PRAG1: variants seen among roughly 807,000 people sequenced by gnomAD.
PRAG1 encodes inactive tyrosine-protein kinase PRAG1.
PRAG1 carries 110 observed loss-of-function variants against 95.6 expected under a neutral mutation model. That is an observed-to-expected ratio of 1.15 (90% confidence interval 0.99 to 1.35). The LOEUF (loss-of-function observed/expected upper bound fraction) is 1.35, where lower values mean the gene tolerates loss of function less well. Ranked by LOEUF, PRAG1 falls within the 40% of genes most tolerant of loss-of-function variation. The probability of loss-of-function intolerance (pLI) is 0.00; values close to 1 mark genes in which losing one functional copy is unlikely to be tolerated. For missense variants in PRAG1, 2,554 were observed against 1,864.7 expected, an observed-to-expected ratio of 1.37 and a Z score of -6.81; for synonymous variants, 1,052 against 819.4, an observed-to-expected ratio of 1.28 and a Z score of -4.85.
chr8:8,385,659 G>C (rs1039562074), intron 1 of PRAG1, among the ~76,000 whole-genome samples: 1 of 152,214 alleles, frequency 6.6e-6, no homozygotes, highest in African/African-American at 2.4e-5. Flanking sequence ...GCTTACCTGA[G>C]AGAAACGCAC....
At chr8:8,351,943 G>C (rs1799535143) in intron 3 of PRAG1, among the ~76,000 whole-genome samples, 1 of 152,008 alleles carries the variant, frequency 6.6e-6, no homozygotes, top group East Asian at 1.9e-4. Flanking sequence ...TGCAGTTCTG[G>C]GCTTGATCGA....
intron 5 of PRAG1, among the ~76,000 whole-genome samples, chr8:8,322,786 C>G (rs951896282): frequency 2.6e-5 from 4 of 152,186 alleles, no homozygotes; most frequent in African/African-American, 7.2e-5. Context: ...CAACCAAGTG[C>G]CAATCAGAAA....
In PRAG1 at chr8:8,328,407, G is replaced by T. The variant is rs1453012086; in HGVS notation, c.2375C>A (p.Ala792Asp). 4 of 1,613,678 alleles carry T rather than the reference G, an allele frequency of 2.5e-6. No homozygotes were observed. Among genetic ancestry groups the T allele is most frequent in the Non-Finnish European group, 1.7e-6 (2 of 1,180,022 alleles). Reference protein sequence around the residue: ...SPTNSGKKLFAPVPFPSGSTE... With the variant: ...SPTNSGKKLFDPVPFPSGSTE... Reference sequence around the variant, plus strand: ...GGAGCCTGAAGGAAACGGAACGGGAGCAAAGAGCTTCTTCCCGCTGTTGGT... The same window carrying T: ...GGAGCCTGAAGGAAACGGAACGGGATCAAAGAGCTTCTTCCCGCTGTTGGT... Residue 792 changes from alanine to aspartate, a missense_variant, in exon 5 of 6, where the codon GCT becomes GAT. Physicochemically the swap from Ala to Asp is moderately radical, Grantham distance 126. Transcript: ENST00000615670.
chr8:8,339,522 G>C lies in PRAG1; in HGVS notation c.2276C>G (p.Ser759Cys). 1.2e-6 allele frequency: 2 copies of C among 1,614,186 alleles called. No homozygotes were observed. The highest frequency in any genetic ancestry group is 1.7e-5 in the Admixed American group (1 of 60,032). The stretch of plus-strand genomic sequence containing the variant: ...AGAGTCTGAGGCCAGGCTGTCCGTG[G>C]AGCCGGTGGTGAAGCTGACGTGGAC... ...RGVHVSFTTG[S>C]TDSLASDSRT... The change falls in exon 4 of 6, where the codon TCC becomes TGC. Residue 759 changes from serine (S) to cysteine (C), a missense_variant. Coordinates refer to ENST00000615670, the MANE Select transcript of PRAG1 (RefSeq NM_001080826.3).
chr8:8,328,050 T>A lies in PRAG1; in HGVS notation c.2732A>T (p.Gln911Leu), dbSNP rs201605403. The change falls in exon 5 of 6, where the codon CAG becomes CTG. Residue 911 changes from glutamine (Q) to leucine (L), a missense_variant. By Grantham distance (113) the Gln-to-Leu change is moderately radical (BLOSUM62 -2). Transcript: ENST00000615670. ...NRGGCGSPGL[Q>L]CKGAPSASSS... ...TGAGGCGGAGGGGGCCCCTTTGCAC[T>A]GGAGGCCAGGGCTCCCGCAGCCGCC... is the stretch of plus-strand genomic sequence containing the variant. 1.7e-4 allele frequency: 271 copies of A among 1,591,182 alleles called. No homozygotes were observed. The highest frequency in any genetic ancestry group is 2.0e-4 in the Non-Finnish European group (237 of 1,168,152).
At chr8:8,378,236 C>G (rs1391371563) in intron 2 of PRAG1, among the ~76,000 whole-genome samples, 158 bp from the exon 3 acceptor site, 1 of 152,232 alleles carries the variant, frequency 6.6e-6, no homozygotes, top group African/African-American at 2.4e-5. Context: ...CGCCCACCTT[C>G]TCATCTCCCC....
chr8:8,318,438 T>C lies in PRAG1; in HGVS notation c.3937A>G (p.Ile1313Val), dbSNP rs1585210646. ...GCCTCGCCGATGCGGATACGCTTGA[T>C]GGGGTCGGCCTCCAGTAGCAGATGT... is the stretch of plus-strand genomic sequence containing the variant. ...LAHLLLEADP[I>V]KRIRIGEAKR... Residue 1313 changes from isoleucine to valine, a missense_variant, in exon 6 of 6, where the codon ATC (isoleucine) becomes GTC (valine). Ile to Val is a conservative substitution (Grantham distance 29). Coordinates refer to ENST00000615670, the MANE Select transcript of PRAG1 (RefSeq NM_001080826.3). This position sits in a 1 kb window ranked among gnomAD's most constrained non-coding sequence, Gnocchi z 4.2. 6.2e-7 allele frequency: 1 copy of C among 1,612,448 alleles called. No homozygotes were observed. Among genetic ancestry groups the C allele is most frequent in the South Asian group, 1.1e-5 (1 of 91,062 alleles).
At chr8:8,323,494 T>C (rs939983439) in intron 5 of PRAG1, among the ~76,000 whole-genome samples, 5 of 152,086 alleles carry the variant, frequency 3.3e-5, no homozygotes, top group African/African-American at 1.2e-4. Context: ...ATTTTTGTAT[T>C]GTTCATTTTT....
At chr8:8,383,313 G>A (rs545724740) in intron 1 of PRAG1, among the ~76,000 whole-genome samples, 1 of 152,210 alleles carries the variant, frequency 6.6e-6, no homozygotes, top group Non-Finnish European at 1.5e-5. Context: ...GCTCACGCCT[G>A]TAATCCCAGC....
chr8:8,374,134 C>T (rs1800303317), intron 3 of PRAG1, among the ~76,000 whole-genome samples: 1 of 152,142 alleles, frequency 6.6e-6, no homozygotes, highest in Non-Finnish European at 1.5e-5. Context: ...CATTGTTTGT[C>T]TCATTAGAGG....
At chr8:8,348,901 A>G (rs1172001231) in intron 3 of PRAG1, among the ~76,000 whole-genome samples, 1 of 152,202 alleles carries the variant, frequency 6.6e-6, no homozygotes, top group Non-Finnish European at 1.5e-5. Context: ...TGGAACACAG[A>G]GTCATTATTA....
intron 4 of PRAG1, among the ~76,000 whole-genome samples, chr8:8,334,638 C>A (rs1798928950): frequency 6.7e-6 from 1 of 149,980 alleles, no homozygotes; most frequent in African/African-American, 2.5e-5. Context: ...GAAGAGAAAG[C>A]TCTGTCTCAC....
chr8:8,381,349 C>T, intron 2 of PRAG1, 69 bp downstream of exon 2: 2 of 1,485,776 alleles, frequency 1.3e-6, no homozygotes, highest in Non-Finnish European at 1.8e-6. Flanking sequence ...CCCTGGCTGC[C>T]AGCCAGTCAC....
At chr8:8,326,518 A>G (rs1798642538) in intron 5 of PRAG1, among the ~76,000 whole-genome samples, 1 of 152,178 alleles carries the variant, frequency 6.6e-6, no homozygotes, top group Admixed American at 6.5e-5. Flanking sequence ...GAACAGCAAA[A>G]GAAGATGACA....
chr8:8,353,842 A>C (rs566354648), intron 3 of PRAG1, among the ~76,000 whole-genome samples: 4 of 152,116 alleles, frequency 2.6e-5, no homozygotes, highest in Non-Finnish European at 5.9e-5. Flanking sequence ...AAGAAGAAGA[A>C]GATAAAGAAG....
intron 4 of PRAG1, among the ~76,000 whole-genome samples, chr8:8,335,790 T>TTCTTATTGTCTA (rs1798966310): frequency 6.6e-6 from 1 of 152,204 alleles, no homozygotes; most frequent in Non-Finnish European, 1.5e-5. Context: ...CATCTTATCT[T>TTCTTATTGTCTA]TCTTATTGTC....
chr8:8,323,989 T>C (rs1798550365), intron 5 of PRAG1, among the ~76,000 whole-genome samples: 1 of 152,218 alleles, frequency 6.6e-6, no homozygotes, highest in Non-Finnish European at 1.5e-5. Flanking sequence ...TGTTTTCTCC[T>C]CTGAATGACA....
intron 5 of PRAG1, among the ~76,000 whole-genome samples, chr8:8,326,793 G>T (rs1798648734): frequency 2.0e-5 from 3 of 152,116 alleles, no homozygotes; most frequent in Non-Finnish European, 4.4e-5. Flanking sequence ...ATCCATTCCA[G>T]CCACCAACTA....
chr8:8,328,112 G>C lies in PRAG1; in HGVS notation c.2670C>G (p.Gly890=). 1.2e-6 allele frequency: 2 copies of C among 1,613,492 alleles called. No homozygotes were observed. Among genetic ancestry groups the C allele is most frequent in the Non-Finnish European group, 8.5e-7 (1 of 1,179,436 alleles). The change falls in exon 5 of 6, where the codon GGC becomes GGG. Residue 890 remains glycine, a synonymous_variant. Transcript: ENST00000615670. ...DPLEKAFKGS[G]HWLPAAGLAG... ...CCAGCCCTGCTGCCGGAAGCCAGTG[G>C]CCACTGCCTTTGAAAGCTTTCTCCA...
Sources: allele counts gnomAD v4.1 joint callset (sites outside exome capture counted in the v4.1 genomes callset), GRCh38; gene constraint gnomAD v4.1.1; non-coding constraint Gnocchi (gnomAD v3.1); transcripts MANE v1.5; gene names NCBI Gene and HGNC (gene_info 2026-07-23, HGNC 2026-07-21).